TMEM163: variants seen among roughly 807,000 people sequenced by gnomAD.
The protein encoded by TMEM163 is transmembrane protein 163.
In TMEM163, 17 loss-of-function variants were observed where a neutral mutation model predicts 29.3. The ratio of observed to expected loss-of-function variants is 0.58; its 90% confidence interval spans 0.40 to 0.87. The LOEUF is 0.87. TMEM163 is among the 40% of genes least tolerant of loss of function. TMEM163 has a pLI of 0.00. For missense variants in TMEM163, 303 were observed against 381.5 expected (o/e 0.79, Z 1.71); for synonymous variants, 157 against 160.6 (o/e 0.98, Z 0.17).
chr2:134,473,613 C>T (rs527473934), intron 5 of TMEM163, among the ~76,000 whole-genome samples: 18 of 151,148 alleles, frequency 1.2e-4, no homozygotes, highest in Admixed American at 2.6e-4. Context: ...AAACCAAAGA[C>T]CTTGATAAAG....
chr2:134,600,161 A>G (rs1474412626), intron 2 of TMEM163, among the ~76,000 whole-genome samples: 1 of 152,246 alleles, frequency 6.6e-6, no homozygotes, highest in Non-Finnish European at 1.5e-5. Flanking sequence ...GAATGAAAAT[A>G]ACATACAACT....
intron 2 of TMEM163, among the ~76,000 whole-genome samples, chr2:134,598,714 C>A (rs1459091834): frequency 2.0e-5 from 3 of 151,910 alleles, no homozygotes; most frequent in Non-Finnish European, 4.4e-5. Flanking sequence ...CTCAGGAGTT[C>A]GAGACCAGCC....
intron 4 of TMEM163, among the ~76,000 whole-genome samples, chr2:134,531,978 T>C (rs1393849842): frequency 6.6e-6 from 1 of 152,186 alleles, no homozygotes; most frequent in Non-Finnish European, 1.5e-5. Context: ...TCATTAGCAT[T>C]CACTAGGACA....
intron 2 of TMEM163, among the ~76,000 whole-genome samples, chr2:134,638,275 T>C (rs1262811485): frequency 1.3e-5 from 2 of 152,234 alleles, no homozygotes; most frequent in Non-Finnish European, 2.9e-5. Context: ...TTATTACCCC[T>C]TTTGCCATTA....
At chr2:134,487,691 C>T (rs1166254440) in intron 5 of TMEM163, among the ~76,000 whole-genome samples, 2 of 152,180 alleles carry the variant, frequency 1.3e-5, no homozygotes, top group Non-Finnish European at 2.9e-5. Flanking sequence ...AATGGACCCA[C>T]GCATCCACAG....
intron 5 of TMEM163, 103 bp from the exon 6 acceptor site, chr2:134,466,328 T>G (rs907680909): frequency 1.1e-6 from 1 of 893,874 alleles, no homozygotes; most frequent in Admixed American, 2.1e-5. Flanking sequence ...GTACAAATAG[T>G]CAGGTGTGCT....
intron 4 of TMEM163, among the ~76,000 whole-genome samples, chr2:134,547,295 C>T (rs146998123): frequency 1.1e-3 from 172 of 152,284 alleles, no homozygotes; most frequent in African/African-American, 4.0e-3. Context: ...TGAAACCAAA[C>T]TCTCTTTCCC....
At chr2:134,560,956 CA>C (rs11335949) in intron 2 of TMEM163, among the ~76,000 whole-genome samples, 23,426 of 152,116 alleles carry the variant, frequency 0.15, 4,335 homozygotes, top group African/African-American at 0.44. Flanking sequence ...GACAAAAAGA[CA>C]AAGACCCCAG....
chr2:134,525,080 T>C (rs1680264755), intron 4 of TMEM163, among the ~76,000 whole-genome samples: 1 of 152,240 alleles, frequency 6.6e-6, no homozygotes, highest in Non-Finnish European at 1.5e-5. Context: ...CGTCAGGTGG[T>C]ATTTCATTGT....
intron 2 of TMEM163, among the ~76,000 whole-genome samples, chr2:134,570,427 T>C (rs1259012527): frequency 6.6e-6 from 1 of 151,772 alleles, no homozygotes; most frequent in African/African-American, 2.4e-5. Context: ...CTGGGGGCCT[T>C]GGAACATAGC....
chr2:134,620,769 T>C (rs984920235), intron 2 of TMEM163, among the ~76,000 whole-genome samples: 2 of 152,128 alleles, frequency 1.3e-5, no homozygotes, highest in African/African-American at 4.8e-5. Flanking sequence ...TGAATACCCA[T>C]ATACAAAGAA....
At chr2:134,632,946 G>C (rs1364760408) in intron 2 of TMEM163, among the ~76,000 whole-genome samples, 1 of 136,978 alleles carries the variant, frequency 7.3e-6, no homozygotes. Flanking sequence ...TTTTAGTAGA[G>C]ACAAGGTTTC....
intron 2 of TMEM163, among the ~76,000 whole-genome samples, chr2:134,677,977 C>A (rs1378000514): frequency 6.6e-6 from 1 of 152,146 alleles, no homozygotes; most frequent in Non-Finnish European, 1.5e-5. Flanking sequence ...TAAGCCCACC[C>A]GCAGCCAAGC....
At chr2:134,656,378 G>T (rs930571553) in intron 2 of TMEM163, among the ~76,000 whole-genome samples, 1 of 151,750 alleles carries the variant, frequency 6.6e-6, no homozygotes, top group African/African-American at 2.4e-5. Flanking sequence ...CGCTTCCCAG[G>T]TGAGGCAATG....
intron 2 of TMEM163, among the ~76,000 whole-genome samples, chr2:134,619,804 C>CA (rs1315013021): frequency 6.6e-6 from 1 of 151,998 alleles, no homozygotes; most frequent in Admixed American, 6.6e-5. Context: ...AAGGAATCTA[C>CA]AAAAAACTAC....
In TMEM163 at chr2:134,569,575, G is replaced by A. The variant is rs1431649549; in HGVS notation, c.323-17484C>T. ...AATTCTAGCCATAGTCACATCCCCAGTCCCTGGCCCAGATCGAACCTCTAA... is the reference window on the plus strand; with the variant it reads ...AATTCTAGCCATAGTCACATCCCCAATCCCTGGCCCAGATCGAACCTCTAA... On this transcript the variant is annotated intron_variant, in intron 2 of 7. Transcript: ENST00000281924. Among the ~76,000 whole-genome samples, 6 of 152,124 alleles carry A rather than the reference G, an allele frequency of 3.9e-5. No homozygotes were observed. The East Asian group carries it at 7.7e-4, about 20-fold the overall frequency.
At chr2:134,586,940 A>T (rs1681835675) in intron 2 of TMEM163, among the ~76,000 whole-genome samples, 2 of 152,194 alleles carry the variant, frequency 1.3e-5, no homozygotes, top group South Asian at 2.1e-4. Flanking sequence ...TAAGCTGTAG[A>T]CAGAGTACAC....
chr2:134,588,239 T>C (rs1370153039), intron 2 of TMEM163, among the ~76,000 whole-genome samples: 1 of 152,138 alleles, frequency 6.6e-6, no homozygotes, highest in Admixed American at 6.5e-5. Context: ...AAGTTGTTAA[T>C]GGAATTAACC....
At chr2:134,713,981 T>C (rs1684984951) in intron 1 of TMEM163, among the ~76,000 whole-genome samples, 1 of 152,182 alleles carries the variant, frequency 6.6e-6, no homozygotes, top group African/African-American at 2.4e-5. Flanking sequence ...ATTCTCAGAA[T>C]ATTAAAGTGG....
Sources: allele counts gnomAD v4.1 joint callset (sites outside exome capture counted in the v4.1 genomes callset), GRCh38; gene constraint gnomAD v4.1.1; transcripts MANE v1.5; gene names NCBI Gene and HGNC (gene_info 2026-07-23, HGNC 2026-07-21).